NYAP2: variants seen among roughly 807,000 people sequenced by gnomAD.
The protein encoded by NYAP2 is neuronal tyrosine-phosphorylated phosphoinositide-3-kinase adaptor 2.
A neutral mutation model predicts 50.4 loss-of-function variants in NYAP2; 23 were observed. That is an observed-to-expected ratio of 0.46 (90% CI 0.33 to 0.65). NYAP2 has a LOEUF of 0.65. Ranked by LOEUF, NYAP2 falls within the 30% of genes least tolerant of loss-of-function variation. The probability of loss-of-function intolerance (pLI) is 0.02; values close to 1 mark genes in which losing one functional copy is unlikely to be tolerated. For missense variants in NYAP2, 885 were observed against 861.0 expected, an observed-to-expected ratio of 1.03 and a Z score of -0.35; for synonymous variants, 394 against 365.2, an observed-to-expected ratio of 1.08 and a Z score of -0.90.
exon 6 of NYAP2, chr2:225,627,098 C>T (rs980016637): frequency 5.0e-6 from 8 of 1,591,782 alleles, no homozygotes; most frequent in Admixed American, 1.8e-5. Context: ...CTGTGAGCCC[C>T]ACCTTGTTAG....
chr2:225,641,960 T>A (rs192329386), intron 6 of NYAP2, among the ~76,000 whole-genome samples: 277 of 152,326 alleles, frequency 1.8e-3, no homozygotes, highest in African/African-American at 6.2e-3. Context: ...GCTTATACTT[T>A]AAAATATTAT....
chr2:225,589,875 T>C (rs1209650305), intron 5 of NYAP2, among the ~76,000 whole-genome samples: 3 of 152,112 alleles, frequency 2.0e-5, no homozygotes, highest in Non-Finnish European at 2.9e-5. Context: ...TCCTTTGCAA[T>C]AGAGAATGAG....
intron 3 of NYAP2, among the ~76,000 whole-genome samples, chr2:225,421,242 A>G (rs1227074627): frequency 1.3e-5 from 2 of 152,224 alleles, no homozygotes; most frequent in African/African-American, 4.8e-5. Context: ...GATGCTTGTT[A>G]CTAGACTGTC....
chr2:225,627,866 C>G (rs1252607289), intron 6 of NYAP2, among the ~76,000 whole-genome samples: 1 of 152,140 alleles, frequency 6.6e-6, no homozygotes, highest in African/African-American at 2.4e-5. Flanking sequence ...AACAAATAAT[C>G]AAGGAACCTC....
intron 3 of NYAP2, among the ~76,000 whole-genome samples, chr2:225,428,660 TC>T (rs2106132002): frequency 6.6e-6 from 1 of 152,342 alleles, no homozygotes; most frequent in South Asian, 2.1e-4. Flanking sequence ...GACCTAATTG[TC>T]ATCACCTAGG....
At chr2:225,668,730 C>CTG in the NYAP2 span, among the ~76,000 whole-genome samples, 3,687 of 152,010 alleles carry the variant, frequency 0.024, 156 homozygotes, top group African/African-American at 0.082. Context: ...CTGTCCTTTC[C>CTG]TGTGTGTGTG....
intron 3 of NYAP2, among the ~76,000 whole-genome samples, chr2:225,461,587 C>T (rs1689833617): frequency 6.6e-6 from 1 of 152,230 alleles, no homozygotes; most frequent in Non-Finnish European, 1.5e-5. Context: ...TCAGATGTCT[C>T]TGTCCTACTT....
chr2:225,574,347 A>G (rs895182777), intron 4 of NYAP2, among the ~76,000 whole-genome samples: 1 of 152,180 alleles, frequency 6.6e-6, no homozygotes, highest in African/African-American at 2.4e-5. Flanking sequence ...GCAATTCAGA[A>G]GTTCAGTTAG....
At chr2:225,673,250 G>GTCCCTCCCACCAGT in the NYAP2 span, among the ~76,000 whole-genome samples, 30 of 152,082 alleles carry the variant, frequency 2.0e-4, no homozygotes, top group Non-Finnish European at 3.5e-4. Context: ...CTCCCACCAG[G>GTCCCTCCCACCAGT]TCCCTCCCAC....
intron 6 of NYAP2, among the ~76,000 whole-genome samples, chr2:225,635,253 C>T (rs938062355): frequency 1.3e-5 from 2 of 152,114 alleles, no homozygotes; most frequent in East Asian, 1.9e-4. Context: ...CGTAATAAAT[C>T]GACATAGTTT....
chr2:225,674,454 A>G, the NYAP2 span, among the ~76,000 whole-genome samples: 1 of 152,052 alleles, frequency 6.6e-6, no homozygotes, highest in Non-Finnish European at 1.5e-5. Context: ...TTGACAAGGA[A>G]TCTTTGTGTT....
intron 4 of NYAP2, among the ~76,000 whole-genome samples, chr2:225,530,385 C>A (rs1366919608): frequency 2.0e-5 from 3 of 152,156 alleles, no homozygotes; most frequent in African/African-American, 7.2e-5. Context: ...TCTCTGATGC[C>A]CTAGCCATGA....
At chr2:225,683,638 G>A in the NYAP2 span, among the ~76,000 whole-genome samples, 290 of 152,206 alleles carry the variant, frequency 1.9e-3, no homozygotes, top group African/African-American at 6.7e-3. Flanking sequence ...TAGACAACAG[G>A]TAGATAGATG....
intron 4 of NYAP2, among the ~76,000 whole-genome samples, chr2:225,535,081 G>T (rs1691324863): frequency 6.6e-6 from 1 of 152,204 alleles, no homozygotes; most frequent in African/African-American, 2.4e-5. Context: ...TCAGCAGGCG[G>T]CTAATAGCTT....
At chr2:225,534,896 C>T (rs80280038) in intron 4 of NYAP2, among the ~76,000 whole-genome samples, 2,050 of 152,258 alleles carry the variant, frequency 0.013, 56 homozygotes, top group African/African-American at 0.048. Flanking sequence ...GTTGGGAGTG[C>T]GCAGTTTTGC....
chr2:225,475,173 T>G (rs1036881440), intron 3 of NYAP2, among the ~76,000 whole-genome samples: 9 of 152,228 alleles, frequency 5.9e-5, no homozygotes, highest in African/African-American at 2.2e-4. Context: ...ATTTACCATT[T>G]CCATTTTGGA....
intron 4 of NYAP2, among the ~76,000 whole-genome samples, chr2:225,523,869 A>G (rs1430373668): frequency 6.6e-6 from 1 of 152,204 alleles, no homozygotes; most frequent in African/African-American, 2.4e-5. Context: ...ATATAGGTCA[A>G]TGGAAGGGAA....
At position 225,618,001 on chromosome 2, in the gene NYAP2, C is replaced by A. The variant is rs575283125; in HGVS notation, c.1619-8916C>A. 4.6e-5 allele frequency among the ~76,000 whole-genome samples: 7 copies of A among 152,224 alleles called. No homozygotes were observed. In the East Asian group the frequency reaches 1.4e-3, roughly 29 times the overall value. On this transcript the variant is annotated intron_variant, in intron 5 of 6. Transcript: ENST00000636099. ...TCTAAAGCTTGTGATCCAACGGGGG[C>A]AACAAGATATATAAACAACAACTGT... is the stretch of plus-strand genomic sequence containing the variant.
At chr2:225,690,201 G>A in the NYAP2 span, among the ~76,000 whole-genome samples, 10 of 152,162 alleles carry the variant, frequency 6.6e-5, no homozygotes, top group South Asian at 1.7e-3. Flanking sequence ...GAGGAGTAGT[G>A]TTGCCTCTAT....
Sources: gnomAD v4.1 joint callset for allele counts (sites outside exome capture counted in the v4.1 genomes callset) on GRCh38, gnomAD v4.1.1 for gene constraint, MANE v1.5 for transcripts, NCBI Gene and HGNC (gene_info 2026-07-23, HGNC 2026-07-21) for gene names.